Variants in RELN observed in about 807,000 individuals in gnomAD.
The protein encoded by RELN is reelin.
In RELN, 108 loss-of-function variants were observed where a neutral mutation model predicts 427.6. The ratio of observed to expected loss-of-function variants is 0.25; its 90% CI spans 0.22 to 0.30. RELN has a LOEUF of 0.30. Among genes scored for constraint, RELN ranks in the 10% least tolerant of loss-of-function variants. The probability of loss-of-function intolerance (pLI) is 1.00; values close to 1 mark genes in which losing one functional copy is unlikely to be tolerated. For missense variants in RELN, 3,715 were observed against 4,302.8 expected (o/e 0.86, Z 3.82); for synonymous variants, 1,524 against 1,513.4 (o/e 1.01, Z -0.16).
chr7:103,747,442 C>A (rs549550123), intron 6 of RELN, among the ~76,000 whole-genome samples: 5 of 151,550 alleles, frequency 3.3e-5, no homozygotes, highest in South Asian at 2.1e-4. Flanking sequence ...ATAAAAAGAA[C>A]GGTATTTGCC....
intron 2 of RELN, among the ~76,000 whole-genome samples, chr7:103,889,729 C>G (rs1794804428): frequency 6.6e-6 from 1 of 152,122 alleles, no homozygotes; most frequent in Non-Finnish European, 1.5e-5. Context: ...AAGGTTCTGT[C>G]AAACAAGTAA....
In RELN at chr7:103,573,701, G is replaced by A. The variant is rs1830933689; in HGVS notation, c.4511+391C>T. 6.6e-6 allele frequency among the ~76,000 whole-genome samples: 1 copy of A among 152,180 alleles called. No individual in the cohort carries two copies. Among genetic ancestry groups the A allele is most frequent in the Admixed American group, 6.5e-5 (1 of 15,272 alleles). ...TTTCTGGGGACCATTTTCAATAAGT[G>A]AATACAAATCAACTTAGATAAATGA... On this transcript the variant is annotated intron_variant, in intron 30 of 64. Coordinates refer to ENST00000428762, the MANE Select transcript of RELN (RefSeq NM_005045.4). The surrounding 1 kb of genome is among the most constrained non-coding windows in gnomAD (Gnocchi z 4.4).
chr7:103,826,320 ATGTGTGTGTGTGTGTG>A (rs71154374), intron 3 of RELN, among the ~76,000 whole-genome samples: 18 of 121,970 alleles, frequency 1.5e-4, no homozygotes, highest in African/African-American at 4.5e-4. Context: ...GACTAAGACA[ATGTGTGTGTGTGTGTG>A]TGTGTGTGTG....
At chr7:103,920,295 G>A (rs2116680097) in intron 1 of RELN, among the ~76,000 whole-genome samples, 1 of 152,216 alleles carries the variant, frequency 6.6e-6, no homozygotes, top group East Asian at 1.9e-4. Context: ...TTAGGATGGG[G>A]ATAATTGGAC....
intron 14 of RELN, 119 bp downstream of exon 14, chr7:103,652,432 T>A (rs1456769407): frequency 3.9e-6 from 3 of 777,984 alleles, no homozygotes; most frequent in Non-Finnish European, 4.3e-6. Flanking sequence ...TGTTATTTCA[T>A]CAATGAGTAT....
At chr7:103,811,122 A>C (rs1028809938) in intron 3 of RELN, among the ~76,000 whole-genome samples, 9 of 152,230 alleles carry the variant, frequency 5.9e-5, no homozygotes, top group Non-Finnish European at 2.9e-5. Flanking sequence ...TTATTGATTC[A>C]TATGTAACTA....
At chr7:103,918,034 C>G (rs1440258629) in intron 1 of RELN, among the ~76,000 whole-genome samples, 1 of 152,090 alleles carries the variant, frequency 6.6e-6, no homozygotes, top group South Asian at 2.1e-4. Flanking sequence ...CAGTACAAGG[C>G]TGTCATCATC....
intron 1 of RELN, among the ~76,000 whole-genome samples, chr7:103,963,246 A>C (rs1369114684): frequency 6.6e-6 from 1 of 151,398 alleles, no homozygotes; most frequent in African/African-American, 2.4e-5. Context: ...ACTTGCAATC[A>C]TAAGACAAAC....
chr7:103,539,617 A>G (rs566115977), intron 44 of RELN: 1 of 442,056 alleles, frequency 2.3e-6, no homozygotes, highest in African/African-American at 2.0e-5. Context: ...TGGGAAGCAA[A>G]ATTTGGCTTA....
intron 10 of RELN, 152 bp from the exon 11 acceptor site, chr7:103,682,413 T>C (rs1450194742): frequency 2.4e-6 from 2 of 817,190 alleles, no homozygotes; most frequent in Non-Finnish European, 4.0e-6. Flanking sequence ...ACCTCTTTTT[T>C]GCCTTGTTTA....
intron 11 of RELN, among the ~76,000 whole-genome samples, chr7:103,681,044 G>A (rs1444770535): frequency 6.6e-6 from 1 of 152,128 alleles, no homozygotes; most frequent in Non-Finnish European, 1.5e-5. Context: ...ACCCCATTGT[G>A]GCAGCAAAGG....
chr7:103,806,794 T>C (rs1792611349), intron 3 of RELN, among the ~76,000 whole-genome samples: 1 of 152,154 alleles, frequency 6.6e-6, no homozygotes. Flanking sequence ...TACAACTAAA[T>C]CCATTAGAGT....
intron 1 of RELN, among the ~76,000 whole-genome samples, chr7:103,976,850 A>G (rs371381454): frequency 6.6e-6 from 1 of 152,310 alleles, no homozygotes; most frequent in East Asian, 1.9e-4. Context: ...CAGGAGTTCA[A>G]GACCAGCCTG....
At chr7:103,554,569 CAA>C (rs56319660) in intron 38 of RELN, among the ~76,000 whole-genome samples, 11 of 103,308 alleles carry the variant, frequency 1.1e-4, no homozygotes, top group African/African-American at 2.3e-4. Flanking sequence ...GATGCTGTCT[CAA>C]AAAAAAAAAA....
At chr7:103,539,599 A>T in intron 44 of RELN, 1 of 470,174 alleles carries the variant, frequency 2.1e-6, no homozygotes, top group Non-Finnish European at 3.9e-6. Context: ...AACGACATGT[A>T]CCCAAGCTGG....
At chr7:103,789,896 C>T (rs922921761) in intron 3 of RELN, among the ~76,000 whole-genome samples, 104 of 151,084 alleles carry the variant, frequency 6.9e-4, no homozygotes, top group African/African-American at 1.3e-3. Context: ...ATGTTTACTG[C>T]GGCACTATTC....
chr7:103,689,772 A>T (rs1833835933), intron 10 of RELN, among the ~76,000 whole-genome samples: 1 of 152,084 alleles, frequency 6.6e-6, no homozygotes, highest in Non-Finnish European at 1.5e-5. Flanking sequence ...GACGTGCTTC[A>T]CTGACCTTTG....
chr7:103,932,609 G>A (rs1351328513), intron 1 of RELN, among the ~76,000 whole-genome samples: 1 of 152,188 alleles, frequency 6.6e-6, no homozygotes. Flanking sequence ...ATTCCACCTG[G>A]TGGTGGAAGC....
chr7:103,548,397 C>T (rs1830345626), intron 41 of RELN, among the ~76,000 whole-genome samples: 1 of 152,170 alleles, frequency 6.6e-6, no homozygotes, highest in Non-Finnish European at 1.5e-5. Flanking sequence ...GAATACCAAC[C>T]AAGGGATGGT....
Sources: gnomAD v4.1 joint callset for allele counts (sites outside exome capture counted in the v4.1 genomes callset) on GRCh38, gnomAD v4.1.1 for gene constraint, Gnocchi (gnomAD v3.1) non-coding constraint, MANE v1.5 for transcripts, NCBI Gene and HGNC (gene_info 2026-07-23, HGNC 2026-07-21) for gene names.